FSHR: variants seen among roughly 807,000 people sequenced by gnomAD.
The protein encoded by FSHR is follicle stimulating hormone receptor, also known as follicle-stimulating hormone receptor.
In FSHR, 46 loss-of-function variants were observed where a neutral mutation model predicts 52.1. The ratio of observed to expected loss-of-function variants is 0.88; its 90% CI spans 0.70 to 1.13. The LOEUF is 1.13. Ranked by LOEUF, FSHR falls within the 50% of genes most tolerant of loss-of-function variation. The pLI is 0.00. For synonymous variants in FSHR, 399 were observed against 309.6 expected (o/e 1.29, Z -3.03); for missense variants, 964 against 834.6 (o/e 1.16, Z -1.91).
intron 1 of FSHR, among the ~76,000 whole-genome samples, chr2:49,132,774 T>C (rs1672330327): frequency 6.6e-6 from 1 of 152,042 alleles, no homozygotes; most frequent in African/African-American, 2.4e-5. Flanking sequence ...CTCTCTGCTT[T>C]GCCTGGTCAA....
chr2:49,121,709 AC>A (rs1178728056), intron 1 of FSHR, among the ~76,000 whole-genome samples: 1 of 152,224 alleles, frequency 6.6e-6, no homozygotes, highest in East Asian at 1.9e-4. Flanking sequence ...GTGCATAGCA[AC>A]CTTAACTCCA....
intron 8 of FSHR, among the ~76,000 whole-genome samples, chr2:48,969,669 A>G (rs997347944): frequency 6.6e-6 from 1 of 152,194 alleles, no homozygotes; most frequent in African/African-American, 2.4e-5. Flanking sequence ...TAGTAAACAT[A>G]ACACTGAGTG....
chr2:49,011,366 T>C (rs980688693), intron 4 of FSHR, among the ~76,000 whole-genome samples: 3 of 152,190 alleles, frequency 2.0e-5, no homozygotes, highest in Admixed American at 2.0e-4. Context: ...TCCTGAGTTC[T>C]AGTTTGATTG....
intron 1 of FSHR, among the ~76,000 whole-genome samples, chr2:49,069,004 A>C (rs977127133): frequency 2.0e-5 from 3 of 152,088 alleles, no homozygotes; most frequent in Non-Finnish European, 4.4e-5. Context: ...CATCTAAAAA[A>C]AGTCTTCTCT....
At chr2:49,013,582 G>A (rs140471396) in intron 4 of FSHR, among the ~76,000 whole-genome samples, 2 of 146,732 alleles carry the variant, frequency 1.4e-5, no homozygotes, top group Middle Eastern at 3.5e-3. Context: ...GCAGGTAGAA[G>A]TGCCTTTGGA....
intron 2 of FSHR, among the ~76,000 whole-genome samples, chr2:49,061,330 A>ATG (rs1669280527): frequency 6.6e-6 from 1 of 152,006 alleles, no homozygotes; most frequent in African/African-American, 2.4e-5. Context: ...GTAAAGACAA[A>ATG]TATAAACTGA....
At chr2:49,086,322 CAG>C (rs992436318) in intron 1 of FSHR, among the ~76,000 whole-genome samples, 18 of 152,254 alleles carry the variant, frequency 1.2e-4, no homozygotes, top group African/African-American at 4.1e-4. Flanking sequence ...CTCTTCAAGA[CAG>C]AAAAGATGTA....
intron 4 of FSHR, 50 bp from the exon 5 acceptor site, chr2:48,990,687 A>G (rs530648020): frequency 4.5e-6 from 5 of 1,114,910 alleles, no homozygotes; most frequent in African/African-American, 3.1e-5. Flanking sequence ...GGCTGTTTAA[A>G]CAGTTGTTAG....
intron 1 of FSHR, among the ~76,000 whole-genome samples, chr2:49,149,859 C>T (rs1242339161): frequency 6.6e-6 from 1 of 152,040 alleles, no homozygotes. Context: ...GATATGGGAA[C>T]TTGCTATAAG....
At chr2:49,054,778 T>G (rs1453688502) in intron 2 of FSHR, among the ~76,000 whole-genome samples, 1 of 152,154 alleles carries the variant, frequency 6.6e-6, no homozygotes. Context: ...ATTACTAGCA[T>G]GGATTACAGA....
Position 49,126,550 on chromosome 2 carries a change from G to A in FSHR, c.152+27716C>T, listed in dbSNP as rs190762419. The stretch of plus-strand genomic sequence containing the variant: ...ACATATTCAAGTAATAGCAAGAGAA[G>A]AGTAAACTAGACATGAAGCTGATGG... On this transcript the variant is annotated intron_variant, in intron 1 of 9. Coordinates refer to ENST00000406846, the MANE Select transcript of FSHR (RefSeq NM_000145.4). Among the ~76,000 whole-genome samples, 4 of 152,294 alleles carry A rather than the reference G, an allele frequency of 2.6e-5. No individual in the cohort carries two copies. The East Asian group carries it at 5.8e-4, about 22-fold the overall frequency.
Position 48,963,744 on chromosome 2 carries a change from G to A in FSHR, c.1077C>T (p.Ile359=). The A allele has an allele frequency of 6.2e-7, 1 of 1,614,138 alleles. No homozygotes were observed. Among genetic ancestry groups the A allele is most frequent in the Non-Finnish European group, 8.5e-7 (1 of 1,180,000 alleles). Residue 359 remains isoleucine (I), a synonymous_variant, in exon 10 of 10, where the codon ATC becomes ATT. Transcript: ENST00000406846. The stretch of plus-strand genomic sequence containing the variant: ...GGACTCTGAGGATGTTGTACCCCAT[G>A]ATATCTTCACATGGGTTGAATGCAT... ...KPDAFNPCED[I]MGYNILRVLI...
chr2:49,006,209 T>C (rs886419438), intron 4 of FSHR, among the ~76,000 whole-genome samples: 2 of 152,124 alleles, frequency 1.3e-5, no homozygotes, highest in African/African-American at 2.4e-5. Flanking sequence ...CTATTAGTTA[T>C]GTCCCTCTAA....
At chr2:49,000,608 A>T (rs1208602867) in intron 4 of FSHR, among the ~76,000 whole-genome samples, 1 of 152,190 alleles carries the variant, frequency 6.6e-6, no homozygotes, top group Non-Finnish European at 1.5e-5. Context: ...CACATTGGGC[A>T]TGAAAGTAGT....
Position 49,075,061 on chromosome 2 carries a change from G to T in FSHR, c.153-6771C>A, listed in dbSNP as rs565266922. Among the ~76,000 whole-genome samples the T allele has an allele frequency of 1.4e-4, 22 of 152,232 alleles. 1 individual carries two copies. In the East Asian group the frequency reaches 3.1e-3, roughly 21 times the overall value. ...AGGGTATGGGGACGAGAAGGATAAG[G>T]AGAGATTTGTTAAAGGATACAAAAT... On this transcript the variant is annotated intron_variant, in intron 1 of 9. Coordinates refer to ENST00000406846, the MANE Select transcript of FSHR (RefSeq NM_000145.4).
At chr2:49,017,423 C>A (rs1268990518) in intron 4 of FSHR, 66 bp downstream of exon 4, 1 of 1,235,738 alleles carries the variant, frequency 8.1e-7, no homozygotes, top group Non-Finnish European at 1.2e-6. Flanking sequence ...ATCAAGTAGG[C>A]CTTTTAGTAA....
intron 6 of FSHR, among the ~76,000 whole-genome samples, chr2:48,987,868 A>ACACACACC (rs1675589994): frequency 6.7e-6 from 1 of 150,112 alleles, no homozygotes; most frequent in Non-Finnish European, 1.5e-5. Context: ...ACACACACAC[A>ACACACACC]CACCCCTTCA....
intron 1 of FSHR, among the ~76,000 whole-genome samples, chr2:49,074,027 T>C (rs1328457383): frequency 6.6e-6 from 1 of 152,022 alleles, no homozygotes; most frequent in African/African-American, 2.4e-5. Flanking sequence ...TCATTCTATA[T>C]AGAAATGACC....
chr2:49,026,889 T>TCTGCTGATGAAG (rs1388065067), intron 2 of FSHR, among the ~76,000 whole-genome samples: 4 of 152,190 alleles, frequency 2.6e-5, no homozygotes, highest in African/African-American at 9.7e-5. Flanking sequence ...TTAGGACCTC[T>TCTGCTGATGAAG]CTGCTGATGA....
Sources: allele counts gnomAD v4.1 joint callset (sites outside exome capture counted in the v4.1 genomes callset), GRCh38; gene constraint gnomAD v4.1.1; transcripts MANE v1.5; gene names NCBI Gene and HGNC (gene_info 2026-07-23, HGNC 2026-07-21).